Variants in DROSHA observed in about 807,000 individuals in gnomAD.
DROSHA encodes the protein drosha ribonuclease III, also known as ribonuclease 3.
In DROSHA, 56 loss-of-function variants were observed where a neutral mutation model predicts 181.9. That is an observed-to-expected ratio of 0.31 (90% CI 0.25 to 0.38). The LOEUF is 0.38. Among genes scored for constraint, DROSHA ranks in the 10% least tolerant of loss-of-function variants. DROSHA has a pLI of 1.00. For missense variants in DROSHA, 1,218 were observed against 1,743.5 expected, an observed-to-expected ratio of 0.70 and a Z score of 5.37; for synonymous variants, 524 against 591.2, an observed-to-expected ratio of 0.89 and a Z score of 1.65.
At chr5:31,507,664 T>C (rs1738151562) in intron 10 of DROSHA, among the ~76,000 whole-genome samples, 1 of 152,090 alleles carries the variant, frequency 6.6e-6, no homozygotes, top group African/African-American at 2.4e-5. Flanking sequence ...AAGTTTATTT[T>C]ACGGGGGACA....
At chr5:31,406,778 T>A (rs1740709340) in intron 34 of DROSHA, 75 bp downstream of exon 34, 3 of 1,350,866 alleles carry the variant, frequency 2.2e-6, no homozygotes, top group Non-Finnish European at 3.1e-6. Context: ...GATGACTGAG[T>A]TTGGAGATAG....
intron 22 of DROSHA, 136 bp downstream of exon 22, chr5:31,449,145 A>AC: frequency 7.9e-7 from 1 of 1,261,646 alleles, no homozygotes; most frequent in Non-Finnish European, 1.1e-6. Flanking sequence ...AAAAAAAAAA[A>AC]AAAAGAGTCA....
At position 31,515,131 on chromosome 5, in the gene DROSHA, T is replaced by C. The variant is rs1238673093; in HGVS notation, c.1147A>G (p.Asn383Asp). ...SDNQSSGKDK[N>D]YTSIKEKEPE... ...TCTTTTTCCTTGATTGAGGTATAGT[T>C]CTTGTCTTTGCCAGAACTCTGGTTG... The change falls in exon 8 of 36, where the codon AAC becomes GAC. Residue 383 changes from asparagine to aspartate, a missense_variant. By Grantham distance (23) the Asn-to-Asp change is conservative. Around this residue, in one of 8 missense-constraint regions of DROSHA, gnomAD observed 536 missense variants for 535.4 expected, o/e 1.00. Transcript: ENST00000344624. The C allele has an allele frequency of 2.5e-6, 4 of 1,613,972 alleles. No individual in the cohort carries two copies. Among genetic ancestry groups the C allele is most frequent in the Non-Finnish European group, 3.4e-6 (4 of 1,179,880 alleles).
At chr5:31,472,933 A>G (rs1047646164) in intron 16 of DROSHA, among the ~76,000 whole-genome samples, 2 of 152,250 alleles carry the variant, frequency 1.3e-5, no homozygotes, top group Admixed American at 6.5e-5. Context: ...CTAGTATTTG[A>G]TGAACTAAAG....
At chr5:31,434,385 T>A (rs1297567785) in intron 25 of DROSHA, among the ~76,000 whole-genome samples, 2 of 152,240 alleles carry the variant, frequency 1.3e-5, no homozygotes. Context: ...GACAATTAAA[T>A]CAACCAAACA....
chr5:31,453,755 AC>A (rs1169454007), intron 20 of DROSHA, among the ~76,000 whole-genome samples: 2 of 152,142 alleles, frequency 1.3e-5, no homozygotes, highest in African/African-American at 4.8e-5. Context: ...TTTCGTGAGT[AC>A]CTTGGAAGGG....
chr5:31,403,695 C>A (rs1472056842), intron 35 of DROSHA, among the ~76,000 whole-genome samples: 1 of 152,128 alleles, frequency 6.6e-6, no homozygotes, highest in Admixed American at 6.5e-5. Flanking sequence ...ATTAAATAGA[C>A]ACATCCATTA....
At position 31,431,658 on chromosome 5, in the gene DROSHA, A is replaced by G; in HGVS notation, c.3063T>C (p.Phe1021=). The part of the protein sequence containing the change: ...MLAKKLELDR[F]MLYAHGPDLC... ...GGTCAGGCCCGTGAGCATACAGCAT[A>G]AATCGATCCAGTTCAAGTTTCTACA... Residue 1021 remains phenylalanine, a synonymous_variant, in exon 26 of 36, where the codon TTT becomes TTC. Coordinates refer to ENST00000344624, the MANE Select transcript of DROSHA (RefSeq NM_001382508.1). 6.2e-7 allele frequency: 1 copy of G among 1,613,958 alleles called. No individual in the cohort carries two copies.
chr5:31,433,494 C>T (rs888242900), intron 25 of DROSHA, among the ~76,000 whole-genome samples: 3 of 152,152 alleles, frequency 2.0e-5, no homozygotes, highest in Non-Finnish European at 4.4e-5. Flanking sequence ...TTCCTGACTT[C>T]TTCTAGTCTC....
At chr5:31,449,536 TG>T in intron 21 of DROSHA, 117 bp from the exon 22 acceptor site, 1 of 1,121,474 alleles carries the variant, frequency 8.9e-7, no homozygotes, top group South Asian at 1.7e-5. Context: ...AAGACTAGCC[TG>T]GGCAACACAG....
intron 30 of DROSHA, 67 bp from the exon 31 acceptor site, chr5:31,410,954 G>A (rs1741240966): frequency 6.3e-7 from 1 of 1,593,346 alleles, no homozygotes; most frequent in African/African-American, 1.3e-5. Context: ...TTCCTGGGTT[G>A]GACCCAACTA....
rs760078843 is a variant in DROSHA at position 31,526,451 on chromosome 5, G to A, written c.482C>T (p.Pro161Leu). Reference protein sequence around the residue: ...MPHPPPPPVMPQQVNYQYPPG... With the variant: ...MPHPPPPPVMLQQVNYQYPPG... ...AGGGTACTGATAATTAACCTGCTGC[G>A]GCATGACTGGAGGGGGCGGGGGATG... is the stretch of plus-strand genomic sequence containing the variant. Residue 161 changes from proline (P) to leucine (L), a missense_variant, in exon 5 of 36, where the codon CCG (proline) becomes CTG (leucine). Pro to Leu is a moderately conservative substitution (Grantham distance 98, BLOSUM62 -3). Around this residue, in one of 8 missense-constraint regions of DROSHA, gnomAD observed 536 missense variants for 535.4 expected, o/e 1.00. Transcript: ENST00000344624. 34 of 1,611,850 alleles carry A rather than the reference G, an allele frequency of 2.1e-5. No individual in the cohort carries two copies. The highest frequency in any genetic ancestry group is 1.5e-4 in the African/African-American group (11 of 74,474).
chr5:31,409,717 A>G lies in DROSHA; in HGVS notation c.3668-385T>C, dbSNP rs909622554. ...AATACGCACATTCTTGGGTCTTGCC[A>G]TTTTCAACACCAATCCTGAGATCCC... On this transcript the variant is annotated intron_variant, in intron 31 of 35. Coordinates refer to ENST00000344624, the MANE Select transcript of DROSHA (RefSeq NM_001382508.1). This position sits in a 1 kb window ranked among gnomAD's most constrained non-coding sequence, Gnocchi z 4.0. Among the ~76,000 whole-genome samples, 1 of 152,198 alleles carries G rather than the reference A, an allele frequency of 6.6e-6. No individual in the cohort carries two copies. The highest frequency in any genetic ancestry group is 1.5e-5 in the Non-Finnish European group (1 of 68,034).
At chr5:31,476,839 C>A (rs969855118) in intron 16 of DROSHA, among the ~76,000 whole-genome samples, 2 of 152,174 alleles carry the variant, frequency 1.3e-5, no homozygotes, top group Non-Finnish European at 2.9e-5. Flanking sequence ...TGTGGAATGA[C>A]TTTCTAAAGC....
At chr5:31,531,690 G>C (rs781110296) in intron 1 of DROSHA, among the ~76,000 whole-genome samples, 165 bp from the exon 2 acceptor site, 1 of 152,154 alleles carries the variant, frequency 6.6e-6, no homozygotes, top group Non-Finnish European at 1.5e-5. Context: ...CCCGCCAGAC[G>C]GTACGCCCCA....
intron 20 of DROSHA, among the ~76,000 whole-genome samples, chr5:31,456,205 T>C (rs1747636912): frequency 6.6e-6 from 1 of 152,164 alleles, no homozygotes; most frequent in African/African-American, 2.4e-5. Context: ...CATGATCTGA[T>C]GATTACTTGC....
At chr5:31,429,833 C>T (rs569952521) in intron 26 of DROSHA, among the ~76,000 whole-genome samples, 1 of 152,112 alleles carries the variant, frequency 6.6e-6, no homozygotes, top group African/African-American at 2.4e-5. Flanking sequence ...ATAAACCTTA[C>T]TAAGGGAGCA....
chr5:31,436,684 C>A (rs1222657977), intron 24 of DROSHA, among the ~76,000 whole-genome samples: 1 of 151,702 alleles, frequency 6.6e-6, no homozygotes, highest in Non-Finnish European at 1.5e-5. Flanking sequence ...TGAGCCACCG[C>A]GCCTAGCGTC....
chr5:31,457,835 A>G (rs1305832131), intron 20 of DROSHA, among the ~76,000 whole-genome samples: 1 of 152,162 alleles, frequency 6.6e-6, no homozygotes, highest in Non-Finnish European at 1.5e-5. Context: ...GGCTGTAGTG[A>G]GCCATGATCG....
Sources: allele counts gnomAD v4.1 joint callset (sites outside exome capture counted in the v4.1 genomes callset), GRCh38; gene constraint gnomAD v4.1.1; regional missense constraint gnomAD v4.1.1; non-coding constraint Gnocchi (gnomAD v3.1); transcripts MANE v1.5; gene names NCBI Gene and HGNC (gene_info 2026-07-23, HGNC 2026-07-21).